Variants in KCNH8 observed in about 807,000 individuals in gnomAD.
KCNH8 encodes the protein potassium voltage-gated channel subfamily H member 8.
A neutral mutation model predicts 103.6 loss-of-function variants in KCNH8; 70 were observed. The ratio of observed to expected loss-of-function variants is 0.68; its 90% CI spans 0.56 to 0.82. The LOEUF (loss-of-function observed/expected upper bound fraction) is 0.82, where lower values mean the gene tolerates loss of function less well. KCNH8 is among the 40% of genes least tolerant of loss of function. The probability of loss-of-function intolerance (pLI) is 0.00; values close to 1 mark genes in which losing one functional copy is unlikely to be tolerated. For missense variants in KCNH8, 1,217 were observed against 1,329.9 expected (o/e 0.92, Z 1.32); for synonymous variants, 498 against 489.4 (o/e 1.02, Z -0.23).
intron 2 of KCNH8, among the ~76,000 whole-genome samples, chr3:19,262,792 G>C (rs2064454096): frequency 6.6e-6 from 1 of 152,108 alleles, no homozygotes; most frequent in African/African-American, 2.4e-5. Flanking sequence ...ATTTTATCAA[G>C]AGCTAGTGAA....
chr3:19,336,383 A>G (rs2065585445), intron 3 of KCNH8, among the ~76,000 whole-genome samples: 1 of 151,862 alleles, frequency 6.6e-6, no homozygotes, highest in Non-Finnish European at 1.5e-5. Flanking sequence ...GTTTTCATAC[A>G]CATGACTTCT....
intron 11 of KCNH8, among the ~76,000 whole-genome samples, chr3:19,477,779 A>T (rs1380199850): frequency 6.6e-6 from 1 of 152,168 alleles, no homozygotes; most frequent in Non-Finnish European, 1.5e-5. Context: ...AAATCTATTT[A>T]TTTATTATTT....
chr3:19,308,809 CCT>C (rs369279999), intron 3 of KCNH8, among the ~76,000 whole-genome samples: 35 of 100,876 alleles, frequency 3.5e-4, no homozygotes, highest in African/African-American at 7.7e-4. Flanking sequence ...TCCCTTTCTC[CCT>C]CTCTCTCTCT....
chr3:19,462,732 A>G (rs969772858), intron 11 of KCNH8, among the ~76,000 whole-genome samples: 2 of 152,168 alleles, frequency 1.3e-5, no homozygotes, highest in African/African-American at 4.8e-5. Flanking sequence ...TATGTCCTGA[A>G]TGGTATTCCC....
chr3:19,498,695 C>T (rs550707190), intron 11 of KCNH8, among the ~76,000 whole-genome samples: 3 of 152,102 alleles, frequency 2.0e-5, no homozygotes, highest in African/African-American at 7.2e-5. Flanking sequence ...TCTGTTTTTT[C>T]CCCATCTTTG....
rs1471976341 is a variant in KCNH8, at chr3:19,459,769, G to T, written c.2040+2787G>T. 2.0e-5 allele frequency among the ~76,000 whole-genome samples: 3 copies of T among 152,042 alleles called. No homozygotes were observed. In the East Asian group the frequency reaches 5.8e-4, roughly 29 times the overall value. ...GTCTTTATTCATTTTGAATTTGTTTGTATATGGTGTAACATAAAGATCTAA... is the reference window on the plus strand; with the variant it reads ...GTCTTTATTCATTTTGAATTTGTTTTTATATGGTGTAACATAAAGATCTAA... On this transcript the variant is annotated intron_variant, in intron 11 of 15. Transcript: ENST00000328405.
In KCNH8 at chr3:19,400,933, A is replaced by G. The variant is rs552884611; in HGVS notation, c.1177+5622A>G. 1.3e-3 allele frequency among the ~76,000 whole-genome samples: 194 copies of G among 151,960 alleles called. 4 individuals carry two copies. The South Asian group carries it at 0.034, about 27-fold the overall frequency. Reference sequence around the variant, plus strand: ...TTCAGGGTTTACATAAAGAATTATAAAAACTTTTAAAGCTAACCCTTACTT... The same window carrying G: ...TTCAGGGTTTACATAAAGAATTATAGAAACTTTTAAAGCTAACCCTTACTT... On this transcript the variant is annotated intron_variant, in intron 7 of 15. Transcript: ENST00000328405.
At chr3:19,372,044 G>GT (rs1357175951) in intron 5 of KCNH8, among the ~76,000 whole-genome samples, 9 of 152,154 alleles carry the variant, frequency 5.9e-5, no homozygotes, top group Admixed American at 3.3e-4. Flanking sequence ...GTCAGATAGT[G>GT]TGATGCCTCC....
intron 3 of KCNH8, among the ~76,000 whole-genome samples, chr3:19,306,117 G>T (rs150872276): frequency 2.0e-5 from 3 of 151,954 alleles, no homozygotes; most frequent in African/African-American, 7.2e-5. Flanking sequence ...AAGTTATGCC[G>T]CATGCATGTA....
intron 11 of KCNH8, among the ~76,000 whole-genome samples, chr3:19,474,869 C>T (rs1232602451): frequency 6.6e-6 from 1 of 152,124 alleles, no homozygotes; most frequent in Non-Finnish European, 1.5e-5. Context: ...TTACATTTTC[C>T]TTTGAGGCTA....
chr3:19,201,696 C>G (rs1207250779), intron 1 of KCNH8, among the ~76,000 whole-genome samples: 6 of 152,066 alleles, frequency 3.9e-5, no homozygotes, highest in Admixed American at 1.3e-4. Context: ...CTCCTGGGTA[C>G]CTTGAAGAAC....
chr3:19,402,413 G>A (rs576827827), intron 7 of KCNH8, among the ~76,000 whole-genome samples: 1 of 151,824 alleles, frequency 6.6e-6, no homozygotes, highest in South Asian at 2.1e-4. Context: ...GATTATTCTC[G>A]CTACAAAATG....
chr3:19,502,890 C>G (rs2068616935), intron 11 of KCNH8, among the ~76,000 whole-genome samples: 1 of 151,804 alleles, frequency 6.6e-6, no homozygotes, highest in African/African-American at 2.4e-5. Flanking sequence ...GTCTAAAACA[C>G]CAAAAGCAAT....
chr3:19,252,888 T>C (rs540147265), intron 1 of KCNH8, among the ~76,000 whole-genome samples: 174 of 152,266 alleles, frequency 1.1e-3, no homozygotes, highest in Non-Finnish European at 2.0e-3. Context: ...ACCATTTCCT[T>C]ATATACCACT....
intron 11 of KCNH8, among the ~76,000 whole-genome samples, chr3:19,510,140 A>G (rs1032785325): frequency 2.6e-5 from 4 of 152,088 alleles, no homozygotes; most frequent in African/African-American, 9.7e-5. Context: ...ACACACACTG[A>G]TCAGTAGTGG....
chr3:19,210,096 A>T (rs939223182), intron 1 of KCNH8, among the ~76,000 whole-genome samples: 3 of 151,696 alleles, frequency 2.0e-5, no homozygotes, highest in Non-Finnish European at 4.4e-5. Flanking sequence ...AGTCTGCAAG[A>T]TCTCTTCCCA....
chr3:19,220,067 T>G (rs1341035684), intron 1 of KCNH8, among the ~76,000 whole-genome samples: 7 of 152,104 alleles, frequency 4.6e-5, no homozygotes, highest in African/African-American at 1.7e-4. Flanking sequence ...TCAGGAGAGA[T>G]TCCCAGCAGA....
At chr3:19,504,633 A>G (rs2068655631) in intron 11 of KCNH8, among the ~76,000 whole-genome samples, 1 of 152,332 alleles carries the variant, frequency 6.6e-6, no homozygotes, top group Admixed American at 6.5e-5. Flanking sequence ...ATGAGATACC[A>G]TCTCACACCA....
At chr3:19,315,357 A>C (rs1393524483) in intron 3 of KCNH8, among the ~76,000 whole-genome samples, 1 of 152,040 alleles carries the variant, frequency 6.6e-6, no homozygotes, top group East Asian at 1.9e-4. Context: ...TAAGGTAATG[A>C]GAAAGGAAAA....
Sources: allele counts gnomAD v4.1 joint callset (sites outside exome capture counted in the v4.1 genomes callset), GRCh38; gene constraint gnomAD v4.1.1; transcripts MANE v1.5; gene names NCBI Gene and HGNC (gene_info 2026-07-23, HGNC 2026-07-21).